Variants in SUPT3H observed in about 807,000 individuals in gnomAD.
SUPT3H encodes the protein SPT3 homolog, SAGA and STAGA complex component.
Under a neutral mutation model 44.3 loss-of-function variants are expected in SUPT3H, and 44 were observed. The observed-to-expected ratio is 0.99, with a 90% CI of 0.78 to 1.28. SUPT3H has a LOEUF of 1.28. Ranked by LOEUF, SUPT3H falls within the 50% of genes most tolerant of loss-of-function variation. The pLI is 0.00. For missense variants in SUPT3H, 380 were observed against 387.1 expected, an observed-to-expected ratio of 0.98 and a Z score of 0.15; for synonymous variants, 124 against 125.6, an observed-to-expected ratio of 0.99 and a Z score of 0.09.
At chr6:44,942,990 T>C (rs1473811769) in intron 9 of SUPT3H, among the ~76,000 whole-genome samples, 1 of 152,124 alleles carries the variant, frequency 6.6e-6, no homozygotes, top group Admixed American at 6.6e-5. Flanking sequence ...CAATGTCCAC[T>C]TTACAATTCA....
intron 10 of SUPT3H, among the ~76,000 whole-genome samples, chr6:44,929,450 T>C (rs1329886802): frequency 6.6e-6 from 1 of 152,204 alleles, no homozygotes; most frequent in Non-Finnish European, 1.5e-5. Flanking sequence ...ACTCTAGATT[T>C]GGGATGACAT....
chr6:44,945,642 T>C (rs115519372), intron 9 of SUPT3H, among the ~76,000 whole-genome samples: 1 of 152,202 alleles, frequency 6.6e-6, no homozygotes, highest in Non-Finnish European at 1.5e-5. Flanking sequence ...GTGCTAACTC[T>C]CTTTAATTCT....
At chr6:44,831,029 A>G (rs1768595184) in intron 10 of SUPT3H, among the ~76,000 whole-genome samples, 1 of 152,220 alleles carries the variant, frequency 6.6e-6, no homozygotes, top group African/African-American at 2.4e-5. Context: ...CCTTTTAGAA[A>G]GACTTCCATC....
chr6:44,983,462 G>A (rs1226231248), intron 6 of SUPT3H, among the ~76,000 whole-genome samples: 1 of 152,064 alleles, frequency 6.6e-6, no homozygotes, highest in Non-Finnish European at 1.5e-5. Context: ...CATATTCTTT[G>A]AGAAAAGCAT....
At chr6:45,270,433 C>T (rs1031122140) in intron 2 of SUPT3H, among the ~76,000 whole-genome samples, 2 of 152,042 alleles carry the variant, frequency 1.3e-5, no homozygotes, top group African/African-American at 4.8e-5. Context: ...ATGCTGTTCT[C>T]GCGGTAGTAC....
intron 7 of SUPT3H, among the ~76,000 whole-genome samples, chr6:44,955,023 G>A (rs1774897411): frequency 6.6e-6 from 1 of 152,126 alleles, no homozygotes; most frequent in African/African-American, 2.4e-5. Context: ...AAGAACCTGT[G>A]ATGAAAAAAG....
chr6:45,084,354 A>G (rs1441376170), intron 3 of SUPT3H, among the ~76,000 whole-genome samples: 1 of 152,228 alleles, frequency 6.6e-6, no homozygotes, highest in Non-Finnish European at 1.5e-5. Context: ...CACTTCTGAA[A>G]AGAAAACATA....
intron 2 of SUPT3H, among the ~76,000 whole-genome samples, chr6:45,154,394 T>C (rs1037746350): frequency 1.3e-5 from 2 of 152,138 alleles, no homozygotes; most frequent in African/African-American, 4.8e-5. Flanking sequence ...AGGTATCTTA[T>C]GCCAGTGTTG....
chr6:45,310,701 C>T (rs911858940), intron 2 of SUPT3H, among the ~76,000 whole-genome samples: 30 of 152,162 alleles, frequency 2.0e-4, no homozygotes, highest in Admixed American at 1.3e-4. Context: ...GTTTGGCTCA[C>T]AGGAAGCCAT....
At chr6:45,180,763 C>A (rs1465829114) in intron 2 of SUPT3H, among the ~76,000 whole-genome samples, 1 of 152,050 alleles carries the variant, frequency 6.6e-6, no homozygotes, top group Non-Finnish European at 1.5e-5. Context: ...ACCATAAAAA[C>A]CCTGGAAGAA....
intron 2 of SUPT3H, among the ~76,000 whole-genome samples, chr6:45,323,371 A>AT (rs1417494746): frequency 1.3e-5 from 2 of 151,908 alleles, no homozygotes; most frequent in African/African-American, 4.9e-5. Flanking sequence ...TTAAAACCCG[A>AT]TTTTTTTAGA....
At chr6:44,822,076 C>G (rs1230671227), downstream of SUPT3H, among the ~76,000 whole-genome samples, 1 of 152,118 alleles carries the variant, frequency 6.6e-6, no homozygotes, top group African/African-American at 2.4e-5. Flanking sequence ...AATAGAGTAG[C>G]ACCTACATGG....
chr6:45,166,359 C>T (rs1308119373), intron 2 of SUPT3H, among the ~76,000 whole-genome samples: 2 of 151,846 alleles, frequency 1.3e-5, no homozygotes, highest in Non-Finnish European at 2.9e-5. Context: ...GAGGCCAAGG[C>T]GGGAGGATCA....
At chr6:44,936,351 T>TAA (rs1771415664) in intron 9 of SUPT3H, among the ~76,000 whole-genome samples, 3 of 152,226 alleles carry the variant, frequency 2.0e-5, no homozygotes, top group Non-Finnish European at 4.4e-5. Context: ...ATTTATTTTT[T>TAA]TCTTTGTATA....
intron 3 of SUPT3H, among the ~76,000 whole-genome samples, chr6:45,105,261 T>C (rs1161815070): frequency 6.6e-6 from 1 of 151,968 alleles, no homozygotes. Flanking sequence ...AAACAACAAC[T>C]ATATGAATGA....
intron 2 of SUPT3H, among the ~76,000 whole-genome samples, chr6:45,138,796 A>G (rs1804725335): frequency 6.6e-6 from 1 of 152,160 alleles, no homozygotes; most frequent in South Asian, 2.1e-4. Flanking sequence ...TGGTTACACA[A>G]CTCTATAAAT....
At chr6:45,044,382 C>T (rs150095629) in intron 3 of SUPT3H, among the ~76,000 whole-genome samples, 1 of 152,314 alleles carries the variant, frequency 6.6e-6, no homozygotes, top group South Asian at 2.1e-4. Context: ...GGGGAAACCC[C>T]TAATCCCCTG....
At chr6:45,065,688 G>T (rs939040885) in intron 3 of SUPT3H, among the ~76,000 whole-genome samples, 49 of 150,926 alleles carry the variant, frequency 3.2e-4, no homozygotes, top group Middle Eastern at 3.4e-3. Context: ...ACACCTCTAC[G>T]CAAATAAACT....
intron 2 of SUPT3H, among the ~76,000 whole-genome samples, chr6:45,205,809 AC>A (rs1763142402): frequency 7.2e-6 from 1 of 139,820 alleles, no homozygotes; most frequent in African/African-American, 2.5e-5. Flanking sequence ...AAAAAACAAA[AC>A]AAAAAAAAAA....
Sources: allele counts gnomAD v4.1 joint callset (sites outside exome capture counted in the v4.1 genomes callset), GRCh38; gene constraint gnomAD v4.1.1; transcripts MANE v1.5; gene names NCBI Gene and HGNC (gene_info 2026-07-23, HGNC 2026-07-21).